Variants in MYO3A observed in about 807,000 individuals in gnomAD.
The protein encoded by MYO3A is myosin-IIIa.
In MYO3A, 180 loss-of-function variants were observed where a neutral mutation model predicts 192.7. The ratio of observed to expected loss-of-function variants is 0.93; its 90% CI spans 0.83 to 1.06. The LOEUF (loss-of-function observed/expected upper bound fraction) is 1.06. Ranked by LOEUF, MYO3A falls within the 50% of genes least tolerant of loss-of-function variation. The pLI is 0.00. For synonymous variants in MYO3A, 628 were observed against 645.3 expected, an observed-to-expected ratio of 0.97 and a Z score of 0.41; for missense variants, 1,896 against 1,905.0, an observed-to-expected ratio of 1.00 and a Z score of 0.09.
chr10:25,980,266 A>G (rs1839241991), intron 4 of MYO3A, among the ~76,000 whole-genome samples: 2 of 151,300 alleles, frequency 1.3e-5, no homozygotes, highest in South Asian at 2.1e-4. Flanking sequence ...AAAACCCCAC[A>G]TAATGCTTAT....
chr10:25,996,879 C>A (rs1840478850), intron 5 of MYO3A, among the ~76,000 whole-genome samples: 1 of 152,014 alleles, frequency 6.6e-6, no homozygotes, highest in African/African-American at 2.4e-5. Flanking sequence ...TGGCCATTAT[C>A]TTAGATAGGT....
chr10:26,052,599 A>G (rs566574626), intron 10 of MYO3A, among the ~76,000 whole-genome samples: 48 of 152,362 alleles, frequency 3.2e-4, no homozygotes, highest in Middle Eastern at 3.4e-3. Context: ...TTGGTTGTTC[A>G]TGTTACTGGA....
chr10:26,033,552 T>C (rs576567769), intron 10 of MYO3A, among the ~76,000 whole-genome samples: 1 of 152,298 alleles, frequency 6.6e-6, no homozygotes, highest in South Asian at 2.1e-4. Flanking sequence ...ACCCTAGAAA[T>C]CGCGGATTGA....
chr10:26,127,033 T>C (rs193017824), intron 19 of MYO3A, among the ~76,000 whole-genome samples: 245 of 152,250 alleles, frequency 1.6e-3, no homozygotes, highest in Non-Finnish European at 1.9e-3. Context: ...CTTACTGCAT[T>C]TGTCTGGGTC....
intron 10 of MYO3A, among the ~76,000 whole-genome samples, chr10:26,043,206 G>A (rs76728141): frequency 0.064 from 9,556 of 148,784 alleles, 390 homozygotes; most frequent in Non-Finnish European, 0.085. Context: ...TAGATCTAGG[G>A]ATGAGATGAC....
intron 4 of MYO3A, among the ~76,000 whole-genome samples, chr10:25,959,565 T>C (rs1408660747): frequency 6.6e-6 from 1 of 152,118 alleles, no homozygotes; most frequent in African/African-American, 2.4e-5. Context: ...ATCTGCCCAG[T>C]CTTGTTTGGA....
intron 28 of MYO3A, among the ~76,000 whole-genome samples, chr10:26,169,464 A>G: frequency 6.6e-6 from 1 of 152,174 alleles, no homozygotes; most frequent in South Asian, 2.1e-4. Context: ...CTTAGAGAAA[A>G]AAAATGTATT....
Position 26,096,446 on chromosome 10 carries a change from C to T in MYO3A, c.1628C>T (p.Ala543Val). ...GGTTTGGCTGAAAAGAAGAAACTAG[C>T]CCATTACAAACTGCCTGAAAATAAG... The part of the protein sequence containing the change: ...YAGLAEKKKL[A>V]HYKLPENKPP... The change falls in exon 16 of 35, where the codon GCC becomes GTC. Residue 543 changes from alanine to valine, a missense_variant. Physicochemically the swap from Ala to Val is moderately conservative, Grantham distance 64. Coordinates refer to ENST00000642920, the MANE Select transcript of MYO3A (RefSeq NM_017433.5). The T allele has an allele frequency of 6.2e-7, 1 of 1,613,728 alleles. No individual in the cohort carries two copies. The highest frequency in any genetic ancestry group is 1.1e-5 in the South Asian group (1 of 91,022).
At chr10:25,982,185 A>G (rs1426649078) in intron 4 of MYO3A, among the ~76,000 whole-genome samples, 2 of 152,112 alleles carry the variant, frequency 1.3e-5, no homozygotes, top group Non-Finnish European at 2.9e-5. Flanking sequence ...CCCTGGGAAT[A>G]TAACTCCACT....
At chr10:26,186,469 T>TA (rs1842875065) in intron 31 of MYO3A, among the ~76,000 whole-genome samples, 1 of 152,156 alleles carries the variant, frequency 6.6e-6, no homozygotes, top group South Asian at 2.1e-4. Flanking sequence ...TGTTTCACCG[T>TA]GTTAGCCAGG....
At chr10:26,083,786 G>A (rs539536062) in intron 14 of MYO3A, among the ~76,000 whole-genome samples, 3 of 152,228 alleles carry the variant, frequency 2.0e-5, no homozygotes, top group Non-Finnish European at 4.4e-5. Flanking sequence ...ATTAAAAAAT[G>A]TGTCTTCTCA....
At chr10:26,202,504 A>T (rs56983916) in intron 33 of MYO3A, among the ~76,000 whole-genome samples, 2,055 of 152,366 alleles carry the variant, frequency 0.013, 49 homozygotes, top group African/African-American at 0.046. Flanking sequence ...GAGGGAGGAC[A>T]GAATGTTATT....
intron 17 of MYO3A, among the ~76,000 whole-genome samples, chr10:26,097,398 T>A (rs565659100): frequency 1.4e-4 from 21 of 152,294 alleles, no homozygotes; most frequent in Admixed American, 2.0e-4. Flanking sequence ...TATTTTTTTT[T>A]AATTATATTT....
intron 33 of MYO3A, among the ~76,000 whole-genome samples, chr10:26,202,216 G>C (rs1361062073): frequency 1.3e-5 from 2 of 152,158 alleles, no homozygotes; most frequent in African/African-American, 2.4e-5. Flanking sequence ...AAGCATGAGT[G>C]AACACAGTTC....
At chr10:25,993,491 G>GT (rs879855138) in intron 4 of MYO3A, among the ~76,000 whole-genome samples, 1 of 152,042 alleles carries the variant, frequency 6.6e-6, no homozygotes, top group Non-Finnish European at 1.5e-5. Context: ...TTTTTGAAGG[G>GT]TTTTTTGTGT....
chr10:26,009,479 G>T (rs10828930), intron 6 of MYO3A, among the ~76,000 whole-genome samples: 3,852 of 152,302 alleles, frequency 0.025, 184 homozygotes, highest in African/African-American at 0.087. Flanking sequence ...GGACAGGTAA[G>T]TGAAAGGCAA....
In MYO3A at chr10:26,174,471, A is replaced by G. The variant is rs1842215579; in HGVS notation, c.4207A>G (p.Ile1403Val). 6.2e-7 allele frequency: 1 copy of G among 1,614,208 alleles called. No individual in the cohort carries two copies. The highest frequency in any genetic ancestry group is 8.5e-7 in the Non-Finnish European group (1 of 1,180,036). Residue 1403 changes from isoleucine to valine, a missense_variant, in exon 30 of 35, where the codon ATC (isoleucine) becomes GTC (valine). By Grantham distance (29) the Ile-to-Val change is conservative. Transcript: ENST00000642920. The part of the protein sequence containing the change: ...LYSYPTKHEE[I>V]NNIKKKDNKD... Reference sequence around the variant, plus strand: ...TTCCTATCCCACAAAACATGAGGAAATCAATAACATCAAGAAGAAGGATAA... The same window carrying G: ...TTCCTATCCCACAAAACATGAGGAAGTCAATAACATCAAGAAGAAGGATAA...
intron 31 of MYO3A, among the ~76,000 whole-genome samples, chr10:26,187,496 TTA>T (rs200254358): frequency 4.1e-5 from 6 of 145,000 alleles, no homozygotes; most frequent in African/African-American, 7.8e-5. Context: ...TGTCTTTTTT[TTA>T]TTATTATTAT....
chr10:26,002,156 T>C (rs1250826663), intron 6 of MYO3A, among the ~76,000 whole-genome samples: 1 of 152,134 alleles, frequency 6.6e-6, no homozygotes, highest in African/African-American at 2.4e-5. Flanking sequence ...AACGAAGAAA[T>C]TGCAATTTCT....
Sources: gnomAD v4.1 joint callset for allele counts (sites outside exome capture counted in the v4.1 genomes callset) on GRCh38, gnomAD v4.1.1 for gene constraint, MANE v1.5 for transcripts, NCBI Gene and HGNC (gene_info 2026-07-23, HGNC 2026-07-21) for gene names.